Variants in CELF2 observed in about 807,000 individuals in gnomAD.
The protein encoded by CELF2 is CUGBP Elav-like family member 2, also known as CUG triplet repeat RNA-binding protein 2.
Under a neutral mutation model 62.6 loss-of-function variants are expected in CELF2, and 8 were observed. That is an observed-to-expected ratio of 0.13 (90% CI 0.07 to 0.23). The LOEUF is 0.23. CELF2 is among the 10% of genes least tolerant of loss of function. The pLI is 1.00. For missense variants in CELF2, 333 were observed against 671.0 expected (o/e 0.50, Z 5.56); for synonymous variants, 258 against 250.0 (o/e 1.03, Z -0.30).
At chr10:10,889,349 G>C (rs2061977249) in intron 1 of CELF2, among the ~76,000 whole-genome samples, 1 of 152,198 alleles carries the variant, frequency 6.6e-6, no homozygotes, top group Non-Finnish European at 1.5e-5. Flanking sequence ...ATGGGGCTCT[G>C]AGGTTTTTCT....
chr10:11,185,573 C>T (rs2074646487), intron 2 of CELF2, among the ~76,000 whole-genome samples: 1 of 152,162 alleles, frequency 6.6e-6, no homozygotes, highest in African/African-American at 2.4e-5. Flanking sequence ...CGCCAACATG[C>T]TTGGCTAATT....
chr10:10,899,834 T>G (rs2062814423), intron 1 of CELF2, among the ~76,000 whole-genome samples: 1 of 152,182 alleles, frequency 6.6e-6, no homozygotes. Context: ...TCACTCACTA[T>G]CATGAGAACA....
intron 1 of CELF2, among the ~76,000 whole-genome samples, chr10:10,863,519 T>G (rs2060168799): frequency 6.6e-6 from 1 of 152,194 alleles, no homozygotes; most frequent in African/African-American, 2.4e-5. Flanking sequence ...GTCTTATCTA[T>G]CAAATGGGGC....
At chr10:10,837,282 C>T (rs2058361480) in intron 1 of CELF2, among the ~76,000 whole-genome samples, 1 of 152,168 alleles carries the variant, frequency 6.6e-6, no homozygotes, top group South Asian at 2.1e-4. Flanking sequence ...TAAAGAGTTT[C>T]CCCTTTCACT....
the CELF2 span, among the ~76,000 whole-genome samples, chr10:10,622,805 G>T: frequency 6.6e-6 from 1 of 152,146 alleles, no homozygotes; most frequent in Admixed American, 6.5e-5. Flanking sequence ...CAATACAATT[G>T]CAGGGAAGCC....
At position 11,137,518 on chromosome 10, in the gene CELF2, C is replaced by G. The variant is rs929641410; in HGVS notation, c.75-27968C>G. Among the ~76,000 whole-genome samples the G allele has an allele frequency of 5.9e-5, 9 of 152,206 alleles. No homozygotes were observed. The South Asian group carries it at 6.2e-4, about 10-fold the overall frequency. On this transcript the variant is annotated intron_variant, in intron 1 of 12. Coordinates refer to ENST00000633077, the MANE Select transcript of CELF2 (RefSeq NM_001326342.2). ...GGCCACAGGACTTAAATTTCTTAGACTCAGTTTTCTCTTCTATAAAATGGC... is the reference window on the plus strand; with the variant it reads ...GGCCACAGGACTTAAATTTCTTAGAGTCAGTTTTCTCTTCTATAAAATGGC...
the CELF2 span, among the ~76,000 whole-genome samples, chr10:10,532,661 A>G: frequency 6.6e-6 from 1 of 152,224 alleles, no homozygotes; most frequent in Non-Finnish European, 1.5e-5. Context: ...CTCTAAGGTC[A>G]GTCTTAGATA....
At chr10:11,001,725 T>C (rs2054534146), upstream of CELF2, among the ~76,000 whole-genome samples, 1 of 152,200 alleles carries the variant, frequency 6.6e-6, no homozygotes. Flanking sequence ...TCTTTTTGGA[T>C]ATAGAGGGCA....
intron 3 of CELF2, among the ~76,000 whole-genome samples, chr10:11,232,601 T>TGG: frequency 6.6e-6 from 1 of 152,286 alleles, no homozygotes; most frequent in East Asian, 1.9e-4. Context: ...TTTGAGTTCT[T>TGG]GGGGTGATCT....
At position 11,305,490 on chromosome 10, in the gene CELF2, A is replaced by T. The variant is rs2094134235; in HGVS notation, c.977-8649A>T. On this transcript the variant is annotated intron_variant, in intron 9 of 12. Transcript: ENST00000633077. The surrounding 1 kb of genome is among the most constrained non-coding windows in gnomAD (Gnocchi z 4.8). Reference sequence around the variant, plus strand: ...TCTAGTTCACAGTTTGCCTGGGAGGATCCCACCTGCAGTAAAATATCCGTC... The same window carrying T: ...TCTAGTTCACAGTTTGCCTGGGAGGTTCCCACCTGCAGTAAAATATCCGTC... Among the ~76,000 whole-genome samples the T allele has an allele frequency of 6.6e-6, 1 of 152,108 alleles. No individual in the cohort carries two copies. The highest frequency in any genetic ancestry group is 2.4e-5 in the African/African-American group (1 of 41,422).
the CELF2 span, among the ~76,000 whole-genome samples, chr10:10,510,529 G>T: frequency 5.3e-5 from 8 of 152,242 alleles, no homozygotes; most frequent in East Asian, 1.4e-3. Flanking sequence ...TCAATGTAGT[G>T]GTTTTCTCAT....
At chr10:10,547,339 T>C in the CELF2 span, among the ~76,000 whole-genome samples, 1 of 152,074 alleles carries the variant, frequency 6.6e-6, no homozygotes, top group Non-Finnish European at 1.5e-5. Context: ...TGGCCTTAAT[T>C]GGTTCTACAC....
At position 11,145,961 on chromosome 10, in the gene CELF2, AC is replaced by A. The variant is rs1444302804; in HGVS notation, c.75-19523del. ...TAAAATCCAAGAACATTGTGAGAAT[AC>A]CTACCTGTACTCTCCTCTGGTACTT... On this transcript the variant is annotated intron_variant, in intron 1 of 12. Transcript: ENST00000633077. This position sits in a 1 kb window ranked among gnomAD's most constrained non-coding sequence, Gnocchi z 4.3. 1.3e-5 allele frequency among the ~76,000 whole-genome samples: 2 copies of A among 152,184 alleles called. No individual in the cohort carries two copies. The highest frequency in any genetic ancestry group is 2.9e-5 in the Non-Finnish European group (2 of 68,030).
intron 2 of CELF2, among the ~76,000 whole-genome samples, chr10:11,194,016 C>T (rs1416189749): frequency 1.3e-5 from 2 of 151,956 alleles, no homozygotes; most frequent in African/African-American, 2.4e-5. Flanking sequence ...CATTTTGGTG[C>T]GTTTCATGTT....
chr10:10,613,140 GT>G, the CELF2 span, among the ~76,000 whole-genome samples: 149,134 of 151,882 alleles, frequency 0.98, 73,226 homozygotes, highest in East Asian at 1. Flanking sequence ...AAAGTAGAGG[GT>G]TTTTTTTTCC....
chr10:10,734,057 A>G, the CELF2 span, among the ~76,000 whole-genome samples: 1 of 152,220 alleles, frequency 6.6e-6, no homozygotes, highest in Non-Finnish European at 1.5e-5. Context: ...TAATTGTTCA[A>G]CAAACCTCAA....
rs2061707799 is a variant in CELF2, at chr10:11,211,273, T to C, written c.272-6152T>C. On this transcript the variant is annotated intron_variant, in intron 2 of 12. Coordinates refer to ENST00000633077, the MANE Select transcript of CELF2 (RefSeq NM_001326342.2). This position sits in a 1 kb window ranked among gnomAD's most constrained non-coding sequence, Gnocchi z 4.8. Reference sequence around the variant, plus strand: ...TAACCTGGGGAACAGAGTGAGATCCTGTCTCTTAAAACAAAAATTGCTTTG... The same window carrying C: ...TAACCTGGGGAACAGAGTGAGATCCCGTCTCTTAAAACAAAAATTGCTTTG... Among the ~76,000 whole-genome samples the C allele has an allele frequency of 6.6e-6, 1 of 152,258 alleles. No individual in the cohort carries two copies. Among genetic ancestry groups the C allele is most frequent in the African/African-American group, 2.4e-5 (1 of 41,460 alleles).
At chr10:11,144,091 A>G (rs948481441) in intron 1 of CELF2, among the ~76,000 whole-genome samples, 1 of 152,140 alleles carries the variant, frequency 6.6e-6, no homozygotes, top group Non-Finnish European at 1.5e-5. Context: ...GTTGGTTAAT[A>G]TGGACATTAT....
the CELF2 span, among the ~76,000 whole-genome samples, chr10:10,530,900 T>C: frequency 1.3e-5 from 2 of 152,200 alleles, no homozygotes; most frequent in Admixed American, 6.5e-5. Flanking sequence ...TCAAATTACA[T>C]AGGCGTAAAC....
Sources: gnomAD v4.1 joint callset for allele counts (sites outside exome capture counted in the v4.1 genomes callset) on GRCh38, gnomAD v4.1.1 for gene constraint, Gnocchi (gnomAD v3.1) non-coding constraint, MANE v1.5 for transcripts, NCBI Gene and HGNC (gene_info 2026-07-23, HGNC 2026-07-21) for gene names.